CPD: variants seen among roughly 807,000 people sequenced by gnomAD.
CPD encodes the protein metallocarboxypeptidase D.
In CPD, 69 loss-of-function variants were observed where a neutral mutation model predicts 138.3. The ratio of observed to expected loss-of-function variants is 0.50; its 90% confidence interval spans 0.41 to 0.61. The LOEUF (loss-of-function observed/expected upper bound fraction) is 0.61, where lower values mean the gene tolerates loss of function less well. Among genes scored for constraint, CPD ranks in the 20% least tolerant of loss-of-function variants. The pLI is 0.00. For synonymous variants in CPD, 651 were observed against 642.1 expected (o/e 1.01, Z -0.21); for missense variants, 1,432 against 1,733.3 (o/e 0.83, Z 3.09).
intron 13 of CPD, 28 bp downstream of exon 13, chr17:30,449,776 TTTAAAAGGAAAAAGC>T: frequency 6.5e-7 from 1 of 1,526,964 alleles, no homozygotes; most frequent in Non-Finnish European, 8.7e-7. Flanking sequence ...GTTGACATGC[TTTAAAAGGAAAAAGC>T]TCAACATTAA....
intron 2 of CPD, among the ~76,000 whole-genome samples, chr17:30,411,375 T>C (rs1231158802): frequency 6.6e-6 from 1 of 152,198 alleles, no homozygotes; most frequent in East Asian, 1.9e-4. Context: ...TGTGGTGGTC[T>C]CCATATTTCC....
Position 30,462,353 on chromosome 17 carries a change from A to T in CPD, c.3817-17A>T. The stretch of plus-strand genomic sequence containing the variant: ...TTAAGCAGAATTTGTCATGATTCTT[A>T]CACTTTCTCCTTCTAGGTCTTTGTG... On this transcript the variant is annotated splice_polypyrimidine_tract_variant and intron_variant, in intron 19 of 20. Coordinates refer to ENST00000225719, the MANE Select transcript of CPD (RefSeq NM_001304.5). 5 of 1,600,846 alleles carry T rather than the reference A, an allele frequency of 3.1e-6. No individual in the cohort carries two copies. The highest frequency in any genetic ancestry group is 4.3e-6 in the Non-Finnish European group (5 of 1,168,508).
chr17:30,427,563 G>A lies in CPD; in HGVS notation c.2017+5G>A, dbSNP rs199709139. ...TTTCAGCAAACCTGCATGGAGGTAT[G>A]GCAACTTTATATTCTACTAATCAGT... On this transcript the variant is annotated splice_donor_5th_base_variant and intron_variant, in intron 7 of 20. Coordinates refer to ENST00000225719, the MANE Select transcript of CPD (RefSeq NM_001304.5). 2.1e-4 allele frequency: 341 copies of A among 1,612,634 alleles called. 1 individual carries two copies. In the African/African-American group the frequency reaches 3.9e-3, roughly 18 times the overall value.
rs2143499644 is a variant in CPD, at chr17:30,456,253, T to C, written c.3338-3T>C. The C allele has an allele frequency of 6.2e-7, 1 of 1,608,016 alleles. No individual in the cohort carries two copies. The highest frequency in any genetic ancestry group is 2.2e-5 in the East Asian group (1 of 44,862). On this transcript the variant is annotated splice_polypyrimidine_tract_variant and splice_region_variant and intron_variant, in intron 15 of 20. Transcript: ENST00000225719. Reference sequence around the variant, plus strand: ...ACTGACTTCTAAATTTTTCTTTCTATAGTGGAAAATAAAGAGACTCTGAAG... The same window carrying C: ...ACTGACTTCTAAATTTTTCTTTCTACAGTGGAAAATAAAGAGACTCTGAAG...
At chr17:30,400,405 A>C (rs1279050422) in intron 2 of CPD, among the ~76,000 whole-genome samples, 2 of 152,104 alleles carry the variant, frequency 1.3e-5, no homozygotes, top group Admixed American at 1.3e-4. Flanking sequence ...TGAAAACCCT[A>C]CTAGACAATG....
intron 2 of CPD, among the ~76,000 whole-genome samples, chr17:30,418,973 C>G (rs751185998): frequency 6.6e-6 from 1 of 152,088 alleles, no homozygotes; most frequent in Non-Finnish European, 1.5e-5. Flanking sequence ...TACACTTAAC[C>G]TAACTTTTTT....
chr17:30,381,515 T>G (rs190404510), intron 1 of CPD, among the ~76,000 whole-genome samples: 2 of 152,304 alleles, frequency 1.3e-5, no homozygotes, highest in Admixed American at 1.3e-4. Flanking sequence ...TAACTCTCAT[T>G]AATCAAAAGG....
chr17:30,393,689 C>G (rs1911418042), intron 2 of CPD, among the ~76,000 whole-genome samples: 2 of 152,122 alleles, frequency 1.3e-5, no homozygotes, highest in African/African-American at 4.8e-5. Context: ...GAATACTGTC[C>G]TTATATCTAA....
intron 7 of CPD, 32 bp from the exon 8 acceptor site, chr17:30,431,740 A>G: frequency 7.3e-7 from 1 of 1,369,364 alleles, no homozygotes; most frequent in South Asian, 1.2e-5. Flanking sequence ...TGAAACAGAC[A>G]ACATGATACA....
At chr17:30,428,883 A>G (rs1388345227) in intron 7 of CPD, among the ~76,000 whole-genome samples, 2 of 39,292 alleles carry the variant, frequency 5.1e-5, no homozygotes, top group Non-Finnish European at 1.1e-4. Context: ...TAAAACTACT[A>G]AAAAAAAAAA....
chr17:30,435,764 A>G (rs959718507), intron 8 of CPD, among the ~76,000 whole-genome samples: 16 of 152,214 alleles, frequency 1.1e-4, no homozygotes, highest in African/African-American at 3.9e-4. Context: ...TTATTGTCTC[A>G]TAGTTTTGGA....
chr17:30,407,197 T>G (rs1435255342), intron 2 of CPD, among the ~76,000 whole-genome samples: 1 of 152,254 alleles, frequency 6.6e-6, no homozygotes, highest in African/African-American at 2.4e-5. Flanking sequence ...GTGCACATTT[T>G]CTTAATCCAG....
intron 2 of CPD, among the ~76,000 whole-genome samples, chr17:30,403,551 G>T (rs1911730400): frequency 6.6e-6 from 1 of 152,170 alleles, no homozygotes; most frequent in Non-Finnish European, 1.5e-5. Context: ...AATATCATTT[G>T]TTATCAGTGA....
chr17:30,394,176 G>A (rs74318751), intron 2 of CPD, among the ~76,000 whole-genome samples: 32 of 88,020 alleles, frequency 3.6e-4, no homozygotes, highest in East Asian at 2.0e-3. Flanking sequence ...AAAAAAAAAA[G>A]AAAAAAAAAA....
intron 2 of CPD, among the ~76,000 whole-genome samples, chr17:30,409,361 T>C (rs1233443161): frequency 8.0e-6 from 1 of 125,638 alleles, no homozygotes; most frequent in Non-Finnish European, 1.8e-5. Flanking sequence ...ATCAGGATGA[T>C]GCTGGCCTCA....
intron 2 of CPD, among the ~76,000 whole-genome samples, chr17:30,387,699 T>C (rs1471548437): frequency 6.6e-6 from 1 of 152,254 alleles, no homozygotes; most frequent in African/African-American, 2.4e-5. Context: ...ACATGTCTCT[T>C]AATGTATATT....
In CPD at chr17:30,385,434, G is replaced by A. The variant is rs1479982104; in HGVS notation, c.994+198G>A. The stretch of plus-strand genomic sequence containing the variant: ...CTGTCCTTCATTTAAATTCACCACT[G>A]TTATCTTATCCCAGATGGCTTGCCT... On this transcript the variant is annotated intron_variant, in intron 2 of 20. Coordinates refer to ENST00000225719, the MANE Select transcript of CPD (RefSeq NM_001304.5). The A allele has an allele frequency of 7.3e-6, 4 of 549,258 alleles. No homozygotes were observed. In the East Asian group the frequency reaches 1.4e-4, roughly 20 times the overall value. 34.0% of individuals were successfully genotyped at this position (549,258 alleles called of 1,614,324 possible). A position where few individuals can be genotyped will look rare whatever the true frequency, so the allele number is the denominator to read the frequency against.
At position 30,445,840 on chromosome 17, in the gene CPD, C is replaced by T. The variant is rs373014036; in HGVS notation, c.2693C>T (p.Thr898Ile). The T allele has an allele frequency of 3.2e-5, 51 of 1,614,136 alleles. No homozygotes were observed. The African/African-American group carries it at 6.5e-4, about 21-fold the overall frequency. Residue 898 changes from threonine (T) to isoleucine (I), a missense_variant, in exon 12 of 21, where the codon ACT becomes ATT. Thr to Ile is a moderately conservative substitution (Grantham distance 89). Transcript: ENST00000225719. ...AGCACCAATGATGCCAGTGATCCAA[C>T]TACTAAAGAGTTTGAAACTTTAATT... ...SSSTNDASDP[T>I]TKEFETLIKD...
At chr17:30,446,600 A>G (rs1221334880) in intron 12 of CPD, among the ~76,000 whole-genome samples, 1 of 152,152 alleles carries the variant, frequency 6.6e-6, no homozygotes, top group Non-Finnish European at 1.5e-5. Flanking sequence ...GTTGGTTCCA[A>G]GTCTTTGCTA....
Sources: allele counts gnomAD v4.1 joint callset (sites outside exome capture counted in the v4.1 genomes callset), GRCh38; gene constraint gnomAD v4.1.1; transcripts MANE v1.5; gene names NCBI Gene and HGNC (gene_info 2026-07-23, HGNC 2026-07-21).